The following NUP58 variants were observed in gnomAD, a reference collection of about 807,000 sequenced individuals.
NUP58 encodes nucleoporin p58/p45.
A neutral mutation model predicts 70.1 loss-of-function variants in NUP58; 17 were observed. That is an observed-to-expected ratio of 0.24 (90% CI 0.17 to 0.36). The LOEUF (loss-of-function observed/expected upper bound fraction) is 0.36. NUP58 is among the 10% of genes least tolerant of loss of function. NUP58 has a pLI of 1.00. For synonymous variants in NUP58, 275 were observed against 257.6 expected (o/e 1.07, Z -0.65); for missense variants, 644 against 701.5 (o/e 0.92, Z 0.93).
intron 9 of NUP58, among the ~76,000 whole-genome samples, chr13:25,322,469 A>C (rs907514878): frequency 6.6e-6 from 1 of 152,226 alleles, no homozygotes; most frequent in Non-Finnish European, 1.5e-5. Flanking sequence ...CCAAAATCTG[A>C]AATGTTGCAA....
At chr13:25,325,147 AT>A (rs1329730343) in intron 10 of NUP58, 79 bp downstream of exon 10, 3 of 984,948 alleles carry the variant, frequency 3.0e-6, no homozygotes, top group Non-Finnish European at 4.6e-6. Flanking sequence ...CAAACTAAAT[AT>A]TTTTAGTATA....
In NUP58 at chr13:25,301,813, TCCA is replaced by T. The variant is rs756919111; in HGVS notation, c.46_48del (p.Thr16del). 1 of 1,613,616 alleles carries T rather than the reference TCCA, an allele frequency of 6.2e-7. No individual in the cohort carries two copies. The highest frequency in any genetic ancestry group is 1.7e-5 in the Admixed American group (1 of 59,980). On this transcript the variant is annotated inframe_deletion, in exon 1 of 16. Coordinates refer to ENST00000381736, the MANE Select transcript of NUP58 (RefSeq NM_014089.4). ...CTCCTTCGGGTCCGGGACTCTGGGC[TCCA>T]CCACCGTGGCCGCCGGCGGGACCAG...
Position 25,313,624 on chromosome 13 carries a change from A to G in NUP58, c.447A>G (p.Gly149=). The change falls in exon 5 of 16, where the codon GGA becomes GGG. Residue 149 remains glycine, a synonymous_variant. Transcript: ENST00000381736. ...TCTCTCTTTTTATAGCATCCACAGG[A>G]TTTACTCTAAATAATTTGGGTGGGA... is the stretch of plus-strand genomic sequence containing the variant. ...ALTSTPAAST[G]FTLNNLGGTT... is the part of the protein sequence containing the mutation. 6.6e-7 allele frequency: 1 copy of G among 1,510,232 alleles called. No individual in the cohort carries two copies. The allele number at this position is 1,510,232 out of a possible 1,614,324, so 93.6% of individuals were successfully genotyped here. A position where few individuals can be genotyped will look rare whatever the true frequency, so the allele number is the denominator to read the frequency against.
Position 25,341,768 on chromosome 13 carries a change from A to T in NUP58, c.*1634A>T, listed in dbSNP as rs576423174. The T allele has an allele frequency of 6.5e-6, 1 of 152,764 alleles. No homozygotes were observed. The highest frequency in any genetic ancestry group is 1.9e-4 in the East Asian group (1 of 5,178). 9.5% of individuals were successfully genotyped at this position (152,764 alleles called of 1,614,324 possible). A position where few individuals can be genotyped will look rare whatever the true frequency, so the allele number is the denominator to read the frequency against. ...GATTCAATTGCAATTTTCAGATAGG[A>T]TGTGAACATGGAATTTCATTGAAAA... On this transcript the variant is annotated 3_prime_UTR_variant, in exon 16 of 16. Coordinates refer to ENST00000381736, the MANE Select transcript of NUP58 (RefSeq NM_014089.4).
chr13:25,314,568 G>A (rs1222511087), intron 5 of NUP58, among the ~76,000 whole-genome samples: 1 of 152,092 alleles, frequency 6.6e-6, no homozygotes, highest in African/African-American at 2.4e-5. Flanking sequence ...GGTGATGCAT[G>A]CCTGTAATCC....
At chr13:25,323,283 C>T (rs546302808) in intron 9 of NUP58, among the ~76,000 whole-genome samples, 1 of 151,720 alleles carries the variant, frequency 6.6e-6, no homozygotes, top group African/African-American at 2.4e-5. Flanking sequence ...AATACCTAGG[C>T]GATGAGTTGA....
At chr13:25,301,963 C>T (rs1360877752) in intron 1 of NUP58, 83 bp downstream of exon 1, 2 of 874,834 alleles carry the variant, frequency 2.3e-6, no homozygotes, top group African/African-American at 3.4e-5. Flanking sequence ...CCCATCCTGT[C>T]TCTTCCCTCT....
Position 25,336,997 on chromosome 13 carries a change from C to T in NUP58, c.1497C>T (p.Gly499=). 1 of 1,608,222 alleles carries T rather than the reference C, an allele frequency of 6.2e-7. No homozygotes were observed. The highest frequency in any genetic ancestry group is 8.5e-7 in the Non-Finnish European group (1 of 1,178,266). The change falls in exon 14 of 16, where the codon GGC becomes GGT. Residue 499 remains glycine, a synonymous_variant. Coordinates refer to ENST00000381736, the MANE Select transcript of NUP58 (RefSeq NM_014089.4). ...GTPFGSGIGT[G]LQSSGLGSSN... ...CATTCGGCTCAGGTATTGGCACTGGCTTGCAATCAAGTGGCTTAGGTTCTT... is the reference window on the plus strand; with the variant it reads ...CATTCGGCTCAGGTATTGGCACTGGTTTGCAATCAAGTGGCTTAGGTTCTT...
chr13:25,313,563 G>T, intron 4 of NUP58, 51 bp from the exon 5 acceptor site: 1 of 1,383,228 alleles, frequency 7.2e-7, no homozygotes, highest in Non-Finnish European at 9.5e-7. Flanking sequence ...TTTTTCTATG[G>T]TGCTGTTAAA....
intron 1 of NUP58, among the ~76,000 whole-genome samples, chr13:25,305,148 T>TG (rs1566055089): frequency 5.7e-5 from 7 of 122,230 alleles, no homozygotes; most frequent in East Asian, 2.5e-4. Flanking sequence ...TTTTTTTTTT[T>TG]TTTTTTTTTT....
chr13:25,348,203 CTT>C (rs1311171349), intron 3 of NUP58, among the ~76,000 whole-genome samples: 2 of 152,084 alleles, frequency 1.3e-5, no homozygotes, highest in Non-Finnish European at 2.9e-5. Flanking sequence ...TTTGGAAAAA[CTT>C]GAGTATATGA....
intron 13 of NUP58, 79 bp from the exon 14 acceptor site, chr13:25,336,857 C>A: frequency 2.3e-6 from 2 of 858,298 alleles, no homozygotes; most frequent in Non-Finnish European, 3.5e-6. Context: ...AAAATAATTT[C>A]ATAAAGAATC....
intron 1 of NUP58, among the ~76,000 whole-genome samples, chr13:25,302,380 T>C (rs1459166753): frequency 1.3e-5 from 2 of 152,250 alleles, no homozygotes; most frequent in Non-Finnish European, 1.5e-5. Context: ...CATGGGACCT[T>C]ATCTGTTTTT....
intron 3 of NUP58, among the ~76,000 whole-genome samples, chr13:25,311,458 C>T (rs555129038): frequency 8.5e-5 from 13 of 152,238 alleles, no homozygotes; most frequent in Admixed American, 6.5e-4. Flanking sequence ...TCACCACAAC[C>T]TCTGCCTCCC....
chr13:25,334,993 T>C, intron 13 of NUP58: 1 of 985,244 alleles, frequency 1.0e-6, no homozygotes, highest in Non-Finnish European at 1.2e-6. Flanking sequence ...GCCTGAAGGA[T>C]TTAGACTGCT....
At position 25,307,922 on chromosome 13, in the gene NUP58, G is replaced by A. The variant is rs1010609174; in HGVS notation, c.224G>A (p.Gly75Glu). 1.9e-6 allele frequency: 3 copies of A among 1,614,064 alleles called. No homozygotes were observed. The highest frequency in any genetic ancestry group is 2.5e-6 in the Non-Finnish European group (3 of 1,180,016). ...CTCTTTGGATCTAAACCTGCCACTG[G>A]GTTCACTCTAGGAGGAACAAATACA... ...TGLFGSKPAT[G>E]FTLGGTNTGI... The change falls in exon 2 of 16, where the codon GGG becomes GAG. Residue 75 changes from glycine (G) to glutamate (E), a missense_variant. Physicochemically the swap from Gly to Glu is moderately conservative, Grantham distance 98. This residue lies in a region of NUP58 where 430 missense variants were observed against 409.2 expected (regional missense o/e 1.05). Coordinates refer to ENST00000381736, the MANE Select transcript of NUP58 (RefSeq NM_014089.4).
downstream of NUP58, chr13:25,342,461 A>G (rs1481243595): frequency 6.6e-6 from 1 of 152,508 alleles, no homozygotes; most frequent in East Asian, 1.9e-4. Context: ...TAATTTTATT[A>G]TTGCTCTTTT....
At chr13:25,325,121 C>A in intron 10 of NUP58, 53 bp downstream of exon 10, 3 of 1,256,090 alleles carry the variant, frequency 2.4e-6, no homozygotes, top group Non-Finnish European at 3.5e-6. Context: ...GAAAGCAGAA[C>A]AGTAATAATA....
rs116552175 is a variant in NUP58, at chr13:25,305,995, C to A, written c.108-1811C>A. Reference sequence around the variant, plus strand: ...CTTTCTGCTCCCTTGCTATTCCTGGCATAACGCCTTGTACATAATATGTTT... The same window carrying A: ...CTTTCTGCTCCCTTGCTATTCCTGGAATAACGCCTTGTACATAATATGTTT... On this transcript the variant is annotated intron_variant, in intron 1 of 15. Transcript: ENST00000381736. Among the ~76,000 whole-genome samples, 452 of 152,246 alleles carry A rather than the reference C, an allele frequency of 3.0e-3. 5 individuals carry two copies. The highest frequency in any genetic ancestry group is 0.01 in the African/African-American group (434 of 41,526).
Sources: gnomAD v4.1 joint callset for allele counts (sites outside exome capture counted in the v4.1 genomes callset) on GRCh38, gnomAD v4.1.1 for gene constraint, gnomAD v4.1.1 regional missense constraint, MANE v1.5 for transcripts, NCBI Gene and HGNC (gene_info 2026-07-23, HGNC 2026-07-21) for gene names.